RHOBTB1: variants seen among roughly 807,000 people sequenced by gnomAD.
RHOBTB1 encodes the protein rho-related BTB domain-containing protein 1.
A neutral mutation model predicts 71.6 loss-of-function variants in RHOBTB1; 40 were observed. The ratio of observed to expected loss-of-function variants is 0.56; its 90% CI spans 0.43 to 0.73. The LOEUF is 0.73. Ranked by LOEUF, RHOBTB1 falls within the 30% of genes least tolerant of loss-of-function variation. The pLI is 0.00. For missense variants in RHOBTB1, 797 were observed against 894.0 expected (o/e 0.89, Z 1.38); for synonymous variants, 319 against 334.9 (o/e 0.95, Z 0.52).
At chr10:60,989,643 G>A (rs1400669136) in intron 1 of RHOBTB1, among the ~76,000 whole-genome samples, 1 of 152,128 alleles carries the variant, frequency 6.6e-6, no homozygotes, top group Non-Finnish European at 1.5e-5. Context: ...TGTTTCCTGT[G>A]CTGAGACAGT....
intron 2 of RHOBTB1, among the ~76,000 whole-genome samples, chr10:60,966,747 T>TA (rs987272028): frequency 6.6e-6 from 1 of 151,946 alleles, no homozygotes; most frequent in Admixed American, 6.6e-5. Context: ...TGCAGGTTTG[T>TA]TACATATGTA....
intron 2 of RHOBTB1, among the ~76,000 whole-genome samples, chr10:60,951,364 C>T (rs2085402410): frequency 6.6e-6 from 1 of 152,170 alleles, no homozygotes; most frequent in Non-Finnish European, 1.5e-5. Context: ...AAGATGACCT[C>T]ACTTCTTGCG....
At chr10:60,968,230 AG>A (rs1443889715) in intron 2 of RHOBTB1, among the ~76,000 whole-genome samples, 1 of 152,182 alleles carries the variant, frequency 6.6e-6, no homozygotes, top group Non-Finnish European at 1.5e-5. Context: ...CTGGAAACCC[AG>A]AGAATGTCAT....
At chr10:60,976,820 A>G (rs1355579636) in intron 2 of RHOBTB1, among the ~76,000 whole-genome samples, 1 of 152,050 alleles carries the variant, frequency 6.6e-6, no homozygotes. Context: ...TCAAAAATAC[A>G]TGTTAAATTT....
chr10:60,996,750 G>A (rs138551351), intron 1 of RHOBTB1, among the ~76,000 whole-genome samples: 98 of 152,240 alleles, frequency 6.4e-4, no homozygotes, highest in Middle Eastern at 3.4e-3. Flanking sequence ...GCCAGATTTA[G>A]CAAATAAAAA....
intron 2 of RHOBTB1, among the ~76,000 whole-genome samples, chr10:60,959,727 C>T (rs1465662058): frequency 2.0e-5 from 3 of 152,102 alleles, no homozygotes; most frequent in African/African-American, 7.2e-5. Flanking sequence ...TCTCTCTGGG[C>T]CTGTTTCTGC....
chr10:60,892,273 T>C (rs995151085), intron 5 of RHOBTB1, among the ~76,000 whole-genome samples: 2 of 152,202 alleles, frequency 1.3e-5, no homozygotes, highest in African/African-American at 4.8e-5. Flanking sequence ...ATTTAAAAAG[T>C]AGTAACTGTT....
chr10:60,921,319 C>A (rs147271759), intron 2 of RHOBTB1, among the ~76,000 whole-genome samples: 88 of 152,208 alleles, frequency 5.8e-4, no homozygotes, highest in African/African-American at 1.9e-3. Context: ...GTCATGAGGG[C>A]AGGGGTGCAA....
At chr10:60,996,649 T>C (rs1348707149) in intron 1 of RHOBTB1, among the ~76,000 whole-genome samples, 1 of 152,172 alleles carries the variant, frequency 6.6e-6, no homozygotes, top group Non-Finnish European at 1.5e-5. Context: ...CCAGAGCTTT[T>C]ATCAATTTCA....
In RHOBTB1 at chr10:60,914,888, T is replaced by G. The variant is rs73263836; in HGVS notation, c.-10-3336A>C. ...TCCAGACCAAAGTGACTGCCAAAGG[T>G]GCTGACCCTTGTGCAAAAGGGATAA... On this transcript the variant is annotated intron_variant, in intron 2 of 10. Transcript: ENST00000337910. Among the ~76,000 whole-genome samples the G allele has an allele frequency of 5.3e-3, 807 of 152,214 alleles. 12 individuals are homozygous for G. The highest frequency in any genetic ancestry group is 0.018 in the African/African-American group (747 of 41,520).
At chr10:60,974,362 C>G (rs1458956101) in intron 2 of RHOBTB1, among the ~76,000 whole-genome samples, 1 of 152,016 alleles carries the variant, frequency 6.6e-6, no homozygotes, top group Non-Finnish European at 1.5e-5. Flanking sequence ...AACTATCAAA[C>G]TGCTTGATAA....
chr10:60,998,785 A>C (rs2135054218), intron 1 of RHOBTB1, among the ~76,000 whole-genome samples: 1 of 152,304 alleles, frequency 6.6e-6, no homozygotes, highest in South Asian at 2.1e-4. Context: ...GGTTTAAAGG[A>C]CTTCTCTGAG....
chr10:60,969,223 C>T (rs924426720), intron 2 of RHOBTB1, among the ~76,000 whole-genome samples: 16 of 151,926 alleles, frequency 1.1e-4, no homozygotes, highest in Middle Eastern at 3.2e-3. Flanking sequence ...AAACCTAAAC[C>T]CAACTGTGCA....
intron 2 of RHOBTB1, among the ~76,000 whole-genome samples, chr10:60,938,690 G>T (rs1469301689): frequency 6.6e-6 from 1 of 152,188 alleles, no homozygotes; most frequent in Non-Finnish European, 1.5e-5. Context: ...ATCTGCAAGA[G>T]TAACCTGGAA....
At chr10:60,881,321 T>G (rs2081320195) in intron 7 of RHOBTB1, among the ~76,000 whole-genome samples, 1 of 152,216 alleles carries the variant, frequency 6.6e-6, no homozygotes, top group African/African-American at 2.4e-5. Context: ...TTAGTATAGT[T>G]TTTTAAATAA....
At chr10:60,904,936 C>T (rs1433610511) in intron 4 of RHOBTB1, among the ~76,000 whole-genome samples, 1 of 152,110 alleles carries the variant, frequency 6.6e-6, no homozygotes. Context: ...AATAATTTTC[C>T]AAGACCTCTT....
chr10:60,968,468 T>C (rs1290565558), intron 2 of RHOBTB1, among the ~76,000 whole-genome samples: 2 of 152,140 alleles, frequency 1.3e-5, no homozygotes, highest in Non-Finnish European at 2.9e-5. Context: ...ATCTCTTATG[T>C]TGCAGACACA....
intron 2 of RHOBTB1, among the ~76,000 whole-genome samples, chr10:60,913,139 A>G (rs2083079403): frequency 6.6e-6 from 1 of 152,222 alleles, no homozygotes; most frequent in South Asian, 2.1e-4. Context: ...AAGAATATTA[A>G]GAAGAATTCT....
chr10:60,895,514 C>T (rs1034710113), intron 4 of RHOBTB1, among the ~76,000 whole-genome samples: 5 of 152,216 alleles, frequency 3.3e-5, no homozygotes, highest in Admixed American at 6.5e-5. Context: ...AAGCAATTCC[C>T]CTGATTCAGC....
Sources: gnomAD v4.1 joint callset for allele counts (sites outside exome capture counted in the v4.1 genomes callset) on GRCh38, gnomAD v4.1.1 for gene constraint, MANE v1.5 for transcripts, NCBI Gene and HGNC (gene_info 2026-07-23, HGNC 2026-07-21) for gene names.